The following SRGAP3 variants were observed in gnomAD, a reference collection of about 807,000 sequenced individuals.
SRGAP3 encodes the protein SLIT-ROBO Rho GTPase activating protein 3, also known as SLIT-ROBO Rho GTPase-activating protein 3.
Under a neutral mutation model 121.1 loss-of-function variants are expected in SRGAP3, and 39 were observed. The observed-to-expected ratio is 0.32, with a 90% confidence interval of 0.25 to 0.42. The LOEUF (loss-of-function observed/expected upper bound fraction) is 0.42, where lower values mean the gene tolerates loss of function less well. SRGAP3 is among the 10% of genes least tolerant of loss of function. The pLI is 1.00. For synonymous variants in SRGAP3, 601 were observed against 570.0 expected (o/e 1.05, Z -0.77); for missense variants, 1,213 against 1,470.6 (o/e 0.82, Z 2.86).
chr3:9,348,115 C>T (rs182004356), intron 1 of SRGAP3, among the ~76,000 whole-genome samples: 1 of 152,252 alleles, frequency 6.6e-6, no homozygotes, highest in Admixed American at 6.5e-5. Flanking sequence ...TTGGGTTCAC[C>T]GCAACAGTAG....
chr3:9,319,756 C>T (rs1174544569), intron 3 of SRGAP3, among the ~76,000 whole-genome samples: 1 of 151,782 alleles, frequency 6.6e-6, no homozygotes, highest in Non-Finnish European at 1.5e-5. Flanking sequence ...AAGAGCTAGA[C>T]CTTATACTAG....
At chr3:9,150,103 G>C (rs1172027424) in intron 1 of SRGAP3, among the ~76,000 whole-genome samples, 1 of 152,178 alleles carries the variant, frequency 6.6e-6, no homozygotes, top group African/African-American at 2.4e-5. Flanking sequence ...GGCAAGTGCA[G>C]GGCACAGGGT....
intron 1 of SRGAP3, chr3:9,194,033 T>C (rs1238154441): frequency 6.6e-6 from 1 of 152,270 alleles, no homozygotes; most frequent in Non-Finnish European, 1.5e-5. Context: ...CCTCCTTCAT[T>C]TGCCTATTCA....
intron 3 of SRGAP3, among the ~76,000 whole-genome samples, chr3:9,262,778 T>C (rs1194386638): frequency 1.3e-5 from 2 of 152,090 alleles, no homozygotes; most frequent in African/African-American, 4.8e-5. Context: ...AGTGGGAGAC[T>C]TTAACACCCC....
At chr3:9,294,552 A>AACAAAC (rs111238094) in intron 3 of SRGAP3, among the ~76,000 whole-genome samples, 3 of 151,046 alleles carry the variant, frequency 2.0e-5, no homozygotes, top group Non-Finnish European at 3.0e-5. Context: ...CAAACAAACA[A>AACAAAC]AAAAAAACAC....
chr3:9,013,986 G>A, intron 15 of SRGAP3, 144 bp from the exon 16 acceptor site: 1 of 766,848 alleles, frequency 1.3e-6, no homozygotes, highest in South Asian at 1.5e-5. Flanking sequence ...AGGTGATCCT[G>A]GCCTGGCCAA....
At chr3:9,067,325 A>T (rs1946477967) in intron 4 of SRGAP3, among the ~76,000 whole-genome samples, 1 of 152,076 alleles carries the variant, frequency 6.6e-6, no homozygotes, top group Non-Finnish European at 1.5e-5. Flanking sequence ...CTTGGAAAAC[A>T]ATACATGGAT....
At position 9,017,694 on chromosome 3, in the gene SRGAP3, T is replaced by G. The variant is rs184853845; in HGVS notation, c.1679-1963A>C. Reference sequence around the variant, plus strand: ...GATGATGATTGCCTAACTCTGTAAATATAATAGAAACCATTGAAATGCATT... The same window carrying G: ...GATGATGATTGCCTAACTCTGTAAAGATAATAGAAACCATTGAAATGCATT... On this transcript the variant is annotated intron_variant, in intron 14 of 21. Coordinates refer to ENST00000383836, the MANE Select transcript of SRGAP3 (RefSeq NM_014850.4). 2.3e-3 allele frequency among the ~76,000 whole-genome samples: 357 copies of G among 152,304 alleles called. 3 individuals are homozygous for G. Among genetic ancestry groups the G allele is most frequent in the African/African-American group, 8.1e-3 (338 of 41,570 alleles).
In SRGAP3 at chr3:9,183,650, C is replaced by T. The variant is rs142942519; in HGVS notation, c.68-58733G>A. On this transcript the variant is annotated intron_variant, in intron 1 of 21. Coordinates refer to ENST00000383836, the MANE Select transcript of SRGAP3 (RefSeq NM_014850.4). ...ATATTTTAATTTTATAACAAGCATG[C>T]ATTGCTTTTATAATTAAAACTATTC... Among the ~76,000 whole-genome samples, 793 of 152,220 alleles carry T rather than the reference C, an allele frequency of 5.2e-3. 3 individuals carry two copies. Among genetic ancestry groups the T allele is most frequent in the African/African-American group, 0.018 (759 of 41,516 alleles).
rs1953557880 is a variant in SRGAP3, at chr3:9,239,797, G to A, written c.67+9088C>T. On this transcript the variant is annotated intron_variant, in intron 1 of 21. Transcript: ENST00000383836. This position sits in a 1 kb window ranked among gnomAD's most constrained non-coding sequence, Gnocchi z 4.0. ...ACTCAGCTCAACTAGATGTGCATTT[G>A]TTTTACTTCTTTCCCTCTTCAAACT... Among the ~76,000 whole-genome samples the A allele has an allele frequency of 6.6e-6, 1 of 152,174 alleles. No individual in the cohort carries two copies. Among genetic ancestry groups the A allele is most frequent in the Non-Finnish European group, 1.5e-5 (1 of 68,024 alleles).
At chr3:9,021,595 T>C (rs1399571937) in intron 14 of SRGAP3, among the ~76,000 whole-genome samples, 1 of 151,670 alleles carries the variant, frequency 6.6e-6, no homozygotes, top group Non-Finnish European at 1.5e-5. Flanking sequence ...CAGGAGTGGA[T>C]TTCCAACATG....
At chr3:8,993,224 C>T (rs904123411) in intron 19 of SRGAP3, among the ~76,000 whole-genome samples, 169 bp from the exon 20 acceptor site, 10 of 152,238 alleles carry the variant, frequency 6.6e-5, no homozygotes, top group African/African-American at 2.2e-4. Context: ...ACCACGCATG[C>T]CCATTGCAAC....
chr3:8,988,921 G>A (rs931511263), intron 21 of SRGAP3, among the ~76,000 whole-genome samples: 17 of 152,150 alleles, frequency 1.1e-4, no homozygotes, highest in African/African-American at 3.9e-4. Context: ...GCTGGCTCCC[G>A]CTGCTCACCT....
chr3:9,094,724 C>A (rs1043144726), intron 3 of SRGAP3, among the ~76,000 whole-genome samples: 4 of 152,070 alleles, frequency 2.6e-5, no homozygotes, highest in African/African-American at 9.7e-5. Context: ...TTGTGAGCAT[C>A]TTTTCTTATA....
chr3:9,210,387 C>G (rs1952408667), intron 1 of SRGAP3, among the ~76,000 whole-genome samples: 1 of 152,124 alleles, frequency 6.6e-6, no homozygotes, highest in Non-Finnish European at 1.5e-5. Flanking sequence ...TTTGGAAGGC[C>G]AAGGCTGGAG....
chr3:9,294,549 AC>A (rs1954919594), intron 3 of SRGAP3, among the ~76,000 whole-genome samples: 1 of 83,894 alleles, frequency 1.2e-5, no homozygotes, highest in Non-Finnish European at 3.3e-5. Context: ...AAACAAACAA[AC>A]AAAAAAAAAC....
intron 2 of SRGAP3, among the ~76,000 whole-genome samples, chr3:9,107,187 T>A (rs992460030): frequency 6.6e-6 from 1 of 152,218 alleles, no homozygotes; most frequent in Non-Finnish European, 1.5e-5. Context: ...GACACTACAA[T>A]TAGACCCCAA....
chr3:9,030,153 A>AAAT (rs925931911), intron 12 of SRGAP3, among the ~76,000 whole-genome samples: 5 of 148,246 alleles, frequency 3.4e-5, no homozygotes, highest in African/African-American at 1.3e-4. Context: ...CTGCCTCAAT[A>AAAT]AATGAATGAA....
At chr3:9,201,511 T>G (rs1253227609) in intron 1 of SRGAP3, among the ~76,000 whole-genome samples, 4 of 152,250 alleles carry the variant, frequency 2.6e-5, no homozygotes, top group Non-Finnish European at 5.9e-5. Context: ...CCCCGCCCTG[T>G]GTGCCTCTGC....
Sources: allele counts gnomAD v4.1 joint callset (sites outside exome capture counted in the v4.1 genomes callset), GRCh38; gene constraint gnomAD v4.1.1; non-coding constraint Gnocchi (gnomAD v3.1); transcripts MANE v1.5; gene names NCBI Gene and HGNC (gene_info 2026-07-23, HGNC 2026-07-21).